The following PTPN12 variants were observed in gnomAD, a reference collection of about 807,000 sequenced individuals.
PTPN12 encodes the protein tyrosine-protein phosphatase non-receptor type 12.
In PTPN12, 29 loss-of-function variants were observed where a neutral mutation model predicts 97.6. The observed-to-expected ratio is 0.30, with a 90% CI of 0.22 to 0.41. The LOEUF is 0.41. PTPN12 is among the 10% of genes least tolerant of loss of function. PTPN12 has a pLI of 1.00. For synonymous variants in PTPN12, 327 were observed against 300.4 expected (o/e 1.09, Z -0.91); for missense variants, 819 against 926.0 (o/e 0.88, Z 1.50).
At chr7:77,625,512 T>TCTCACTCTCTCACTCTCACTCGCG in intron 12 of PTPN12, among the ~76,000 whole-genome samples, 1 of 106,694 alleles carries the variant, frequency 9.4e-6, no homozygotes, top group Non-Finnish European at 2.0e-5. Context: ...TCTCTCTCTC[T>TCTCACTCTCTCACTCTCACTCGCG]CTCTCTCTCT....
At chr7:77,626,522 CT>C (rs1356436918) in intron 12 of PTPN12, among the ~76,000 whole-genome samples, 182 bp from the exon 13 acceptor site, 1 of 152,110 alleles carries the variant, frequency 6.6e-6, no homozygotes, top group African/African-American at 2.4e-5. Context: ...TTGTATTTGA[CT>C]TTTTAAACAG....
At chr7:77,561,831 G>A (rs1411634668) in intron 1 of PTPN12, among the ~76,000 whole-genome samples, 3 of 150,800 alleles carry the variant, frequency 2.0e-5, no homozygotes, top group East Asian at 1.9e-4. Flanking sequence ...TTGCTCTGTC[G>A]CCCAGGCTGG....
intron 11 of PTPN12, among the ~76,000 whole-genome samples, chr7:77,618,125 C>G (rs1455224280): frequency 2.0e-5 from 3 of 151,688 alleles, no homozygotes; most frequent in African/African-American, 7.3e-5. Context: ...TTTGTCTCTG[C>G]ATATATTAAG....
At chr7:77,590,831 T>C (rs1385178979) in intron 5 of PTPN12, among the ~76,000 whole-genome samples, 1 of 151,840 alleles carries the variant, frequency 6.6e-6, no homozygotes, top group Non-Finnish European at 1.5e-5. Flanking sequence ...TCCAAAGTGC[T>C]GGGATTATAG....
intron 1 of PTPN12, among the ~76,000 whole-genome samples, chr7:77,568,333 A>G (rs1464300322): frequency 4.6e-5 from 7 of 152,190 alleles, no homozygotes; most frequent in African/African-American, 1.7e-4. Flanking sequence ...GTCATGTAAA[A>G]GAAGAAAAGT....
chr7:77,545,969 G>C (rs1486712113), intron 1 of PTPN12, among the ~76,000 whole-genome samples: 3 of 151,856 alleles, frequency 2.0e-5, no homozygotes, highest in Non-Finnish European at 2.9e-5. Context: ...GTCTTGCTTT[G>C]TTGCCAGGCT....
chr7:77,635,303 C>T (rs764083968), intron 14 of PTPN12, among the ~76,000 whole-genome samples: 1 of 152,138 alleles, frequency 6.6e-6, no homozygotes, highest in African/African-American at 2.4e-5. Context: ...GTGGCATGCA[C>T]CTATAGTCCC....
At chr7:77,617,578 C>T (rs924933449) in intron 11 of PTPN12, among the ~76,000 whole-genome samples, 5 of 152,122 alleles carry the variant, frequency 3.3e-5, no homozygotes, top group Non-Finnish European at 7.4e-5. Context: ...AATGCAGCTA[C>T]GGTTTCAGAG....
chr7:77,625,472 G>GCTCGCGCTCTCTCT lies in PTPN12; in HGVS notation c.1026-1230_1026-1229insGCGCTCTCTCTCTC. Among the ~76,000 whole-genome samples the GCTCGCGCTCTCTCT allele has an allele frequency of 9.4e-3, 314 of 33,484 alleles. 54 individuals carry two copies. The highest frequency in any genetic ancestry group is 0.031 in the East Asian group (27 of 874). 22.0% of individuals were successfully genotyped at this position (33,484 alleles called of 152,430 possible). A position where few individuals can be genotyped will look rare whatever the true frequency, so the allele number is the denominator to read the frequency against. On this transcript the variant is annotated intron_variant, in intron 12 of 17. Coordinates refer to ENST00000248594, the MANE Select transcript of PTPN12 (RefSeq NM_002835.4). Reference sequence around the variant, plus strand: ...TTTTGCCATATTGCCCAGGCTGCTCGCTCTCTCTCTCTCTCTCTCTCTCTC... The same window carrying GCTCGCGCTCTCTCT: ...TTTTGCCATATTGCCCAGGCTGCTCGCTCGCGCTCTCTCTCTCTCTCTCTCTCTCTCTCTCTCTC...
chr7:77,614,340 A>C (rs372913203), intron 11 of PTPN12, among the ~76,000 whole-genome samples: 2 of 152,168 alleles, frequency 1.3e-5, no homozygotes, highest in South Asian at 4.1e-4. Flanking sequence ...TAATATCCTG[A>C]AATCTATACT....
At chr7:77,568,935 T>C (rs2151316244) in intron 1 of PTPN12, among the ~76,000 whole-genome samples, 1 of 152,320 alleles carries the variant, frequency 6.6e-6, no homozygotes, top group East Asian at 1.9e-4. Flanking sequence ...AATACAAACA[T>C]TCTAATTAAA....
chr7:77,537,629 T>A lies in PTPN12; in HGVS notation c.83T>A (p.Phe28Tyr). 6.3e-7 allele frequency: 1 copy of A among 1,599,578 alleles called. No homozygotes were observed. Among genetic ancestry groups the A allele is most frequent in the South Asian group, 1.1e-5 (1 of 88,638 alleles). ...CCTGACCACAATGGGGAGGACAACT[T>A]CGCCCGGGACTTCATGGTGAGTCTC... The part of the protein sequence containing the change: ...KSPDHNGEDN[F>Y]ARDFMRLRRL... The change falls in exon 1 of 18, where the codon TTC (phenylalanine) becomes TAC (tyrosine). Residue 28 changes from phenylalanine to tyrosine, a missense_variant. Physicochemically the swap from Phe to Tyr is conservative, Grantham distance 22. This residue lies in a region of PTPN12 where 59 missense variants were observed against 42.2 expected (regional missense o/e 1.40). Coordinates refer to ENST00000248594, the MANE Select transcript of PTPN12 (RefSeq NM_002835.4).
intron 6 of PTPN12, among the ~76,000 whole-genome samples, chr7:77,594,244 T>C (rs1787954510): frequency 6.6e-6 from 1 of 152,150 alleles, no homozygotes; most frequent in African/African-American, 2.4e-5. Flanking sequence ...GGAGGATTGC[T>C]TGAGCCCAGG....
chr7:77,541,596 G>T (rs1350741756), intron 1 of PTPN12, among the ~76,000 whole-genome samples: 1 of 152,046 alleles, frequency 6.6e-6, no homozygotes, highest in Admixed American at 6.6e-5. Context: ...ACTTGAAAAA[G>T]TTTTGTCAGT....
rs533326153 is a variant in PTPN12, at chr7:77,559,318, A to G, written c.100-11760A>G. 5.3e-5 allele frequency among the ~76,000 whole-genome samples: 8 copies of G among 152,242 alleles called. 1 individual carries two copies. The South Asian group carries it at 1.7e-3, about 32-fold the overall frequency. ...TTTTTCTTTGCTGCTTTTACTTTGTATCTTTTAGCTGTGATAAATTATAGC... is the reference window on the plus strand; with the variant it reads ...TTTTTCTTTGCTGCTTTTACTTTGTGTCTTTTAGCTGTGATAAATTATAGC... On this transcript the variant is annotated intron_variant, in intron 1 of 17. Transcript: ENST00000248594.
At chr7:77,592,361 G>A (rs757466583) in intron 6 of PTPN12, 105 bp downstream of exon 6, 63 of 957,932 alleles carry the variant, frequency 6.6e-5, no homozygotes, top group Non-Finnish European at 9.3e-5. Flanking sequence ...AGACGCCAAG[G>A]ACTCACAAAC....
chr7:77,551,151 C>G (rs1807462611), intron 1 of PTPN12, among the ~76,000 whole-genome samples: 1 of 152,186 alleles, frequency 6.6e-6, no homozygotes, highest in Non-Finnish European at 1.5e-5. Context: ...GTCTCCGCCT[C>G]CTGGGTTCAA....
At chr7:77,631,844 G>A (rs1185811926) in intron 13 of PTPN12, among the ~76,000 whole-genome samples, 1 of 152,144 alleles carries the variant, frequency 6.6e-6, no homozygotes, top group Non-Finnish European at 1.5e-5. Context: ...AGTTATTGCT[G>A]TTTAAGACAT....
chr7:77,617,037 C>T (rs886108491), intron 11 of PTPN12, among the ~76,000 whole-genome samples: 1 of 152,120 alleles, frequency 6.6e-6, no homozygotes, highest in Admixed American at 6.6e-5. Flanking sequence ...CCAGTCTCAG[C>T]CTCCCAAAGT....
Sources: allele counts gnomAD v4.1 joint callset (sites outside exome capture counted in the v4.1 genomes callset), GRCh38; gene constraint gnomAD v4.1.1; regional missense constraint gnomAD v4.1.1; transcripts MANE v1.5; gene names NCBI Gene and HGNC (gene_info 2026-07-23, HGNC 2026-07-21).